Variants in HDHD2 observed in about 807,000 individuals in gnomAD.
HDHD2 encodes haloacid dehalogenase like hydrolase domain containing 2, also known as haloacid dehalogenase-like hydrolase domain-containing protein 2.
In HDHD2, 26 loss-of-function variants were observed where a neutral mutation model predicts 24.8. The ratio of observed to expected loss-of-function variants is 1.05; its 90% CI spans 0.77 to 1.45. The LOEUF (loss-of-function observed/expected upper bound fraction) is 1.45. Among genes scored for constraint, HDHD2 ranks in the 40% most tolerant of loss-of-function variants. The pLI, the probability that HDHD2 is intolerant of heterozygous loss-of-function variation, is 0.00. For synonymous variants in HDHD2, 128 were observed against 114.9 expected (o/e 1.11, Z -0.73); for missense variants, 299 against 313.4 (o/e 0.95, Z 0.35).
At chr18:47,134,114 T>C (rs2063739979) in intron 3 of HDHD2, among the ~76,000 whole-genome samples, 1 of 152,218 alleles carries the variant, frequency 6.6e-6, no homozygotes, top group Non-Finnish European at 1.5e-5. Context: ...TTTTATGATC[T>C]GTGTTTTTTC....
intron 1 of HDHD2, among the ~76,000 whole-genome samples, chr18:47,138,714 T>G (rs1224426725): frequency 6.6e-6 from 1 of 152,180 alleles, no homozygotes; most frequent in African/African-American, 2.4e-5. Context: ...TCCCATAGCC[T>G]TTGTTGAAGT....
At chr18:47,124,706 CAAAAAAA>C (rs34350751) in intron 4 of HDHD2, among the ~76,000 whole-genome samples, 7 of 43,370 alleles carry the variant, frequency 1.6e-4, no homozygotes, top group Non-Finnish European at 2.8e-4. Context: ...AACTCTGACT[CAAAAAAA>C]AAAAAAAAAA....
chr18:47,126,591 T>A (rs995908851), intron 4 of HDHD2, among the ~76,000 whole-genome samples: 44 of 152,152 alleles, frequency 2.9e-4, no homozygotes, highest in Admixed American at 2.6e-3. Flanking sequence ...ACATTATTCT[T>A]AAAAAGGCTT....
chr18:47,112,340 G>A (rs1321938196), intron 6 of HDHD2, among the ~76,000 whole-genome samples: 2 of 152,008 alleles, frequency 1.3e-5, no homozygotes, highest in African/African-American at 2.4e-5. Flanking sequence ...GCTAGTTAGT[G>A]CAGAGCTGAC....
chr18:47,133,398 A>T (rs2063732449), intron 3 of HDHD2, among the ~76,000 whole-genome samples: 1 of 151,648 alleles, frequency 6.6e-6, no homozygotes, highest in African/African-American at 2.4e-5. Flanking sequence ...TCTATCATTG[A>T]TGGACATTTG....
At chr18:47,133,594 C>A (rs567157235) in intron 3 of HDHD2, among the ~76,000 whole-genome samples, 1 of 151,976 alleles carries the variant, frequency 6.6e-6, no homozygotes, top group South Asian at 2.1e-4. Flanking sequence ...ACAGTCCCAA[C>A]AACAGTGTAA....
chr18:47,110,766 G>A, intron 6 of HDHD2: 1 of 985,106 alleles, frequency 1.0e-6, no homozygotes, highest in Non-Finnish European at 1.2e-6. Context: ...GAGAAAACAG[G>A]ATGCTATGTT....
intron 4 of HDHD2, among the ~76,000 whole-genome samples, chr18:47,117,859 ATACT>A (rs2063570144): frequency 1.3e-5 from 2 of 151,946 alleles, no homozygotes. Context: ...CTTTATTGTG[ATACT>A]TATTTTATTG....
rs867489303 is a variant in HDHD2 at position 47,143,273 on chromosome 18, G to A, written c.-10-6824C>T. On this transcript the variant is annotated intron_variant, in intron 1 of 6. Transcript: ENST00000300605. ...TCGAGACCAGCCTGGGCCATAAAGCGAGACCCCCATCTCTATAAAAAATAA... is the reference window on the plus strand; with the variant it reads ...TCGAGACCAGCCTGGGCCATAAAGCAAGACCCCCATCTCTATAAAAAATAA... Among the ~76,000 whole-genome samples, 14 of 152,132 alleles carry A rather than the reference G, an allele frequency of 9.2e-5. No individual in the cohort carries two copies. In the South Asian group the frequency reaches 1.2e-3, roughly 14 times the overall value.
intron 1 of HDHD2, among the ~76,000 whole-genome samples, chr18:47,139,323 G>A (rs953026544): frequency 9.9e-5 from 15 of 151,456 alleles, no homozygotes; most frequent in Non-Finnish European, 1.5e-4. Flanking sequence ...AAAATTAGCT[G>A]GGCGTGGTGG....
chr18:47,110,513 A>C (rs2063507072), intron 6 of HDHD2: 1 of 985,180 alleles, frequency 1.0e-6, no homozygotes, highest in Non-Finnish European at 1.2e-6. Context: ...TCTAAGAGAC[A>C]AATAAATAAG....
intron 3 of HDHD2, chr18:47,134,279 ATATGTATTAGGTTAC>A (rs1474025950): frequency 1.7e-6 from 1 of 573,834 alleles, no homozygotes; most frequent in East Asian, 2.9e-5. Flanking sequence ...ACACATATAG[ATATGTATTAGGTTAC>A]TATGTAATGT....
intron 1 of HDHD2, among the ~76,000 whole-genome samples, chr18:47,142,545 T>A (rs781418999): frequency 3.3e-5 from 5 of 152,188 alleles, no homozygotes; most frequent in Non-Finnish European, 7.3e-5. Context: ...GGTCACAGAA[T>A]GTGAGTACAT....
At chr18:47,128,302 G>A (rs1455945738) in intron 4 of HDHD2, among the ~76,000 whole-genome samples, 2 of 152,150 alleles carry the variant, frequency 1.3e-5, no homozygotes, top group African/African-American at 4.8e-5. Flanking sequence ...TATTAAATAT[G>A]TCCTTCCCAA....
intron 4 of HDHD2, among the ~76,000 whole-genome samples, chr18:47,126,487 T>TA (rs965618314): frequency 4.4e-4 from 65 of 147,906 alleles, no homozygotes; most frequent in South Asian, 3.4e-3. Context: ...CCTGAAAAAT[T>TA]AAAAAAAAAA....
At chr18:47,134,330 A>C (rs1183575651) in intron 3 of HDHD2, 166 bp downstream of exon 3, 2 of 613,096 alleles carry the variant, frequency 3.3e-6, no homozygotes, top group Non-Finnish European at 5.7e-6. Flanking sequence ...GATTACAGTC[A>C]AAAAAAGGTT....
chr18:47,132,942 C>T (rs1180829584), intron 3 of HDHD2, among the ~76,000 whole-genome samples: 1 of 152,078 alleles, frequency 6.6e-6, no homozygotes, highest in African/African-American at 2.4e-5. Context: ...TTAGTGGTGC[C>T]TGCATTGAGG....
At chr18:47,144,659 C>T (rs1178268224) in intron 1 of HDHD2, among the ~76,000 whole-genome samples, 1 of 151,728 alleles carries the variant, frequency 6.6e-6, no homozygotes, top group Non-Finnish European at 1.5e-5. Flanking sequence ...AATAGCCAAG[C>T]GTGGTAGCAT....
intron 4 of HDHD2, among the ~76,000 whole-genome samples, chr18:47,121,420 T>C (rs534542768): frequency 3.3e-5 from 5 of 152,192 alleles, no homozygotes; most frequent in East Asian, 1.9e-4. Flanking sequence ...CACCTCCACA[T>C]CCCTATTCAC....
Sources: allele counts gnomAD v4.1 joint callset (sites outside exome capture counted in the v4.1 genomes callset), GRCh38; gene constraint gnomAD v4.1.1; transcripts MANE v1.5; gene names NCBI Gene and HGNC (gene_info 2026-07-23, HGNC 2026-07-21).